Variants in CD93 observed in about 807,000 individuals in gnomAD.
CD93 encodes the protein CD93 molecule.
In CD93, 44 loss-of-function variants were observed where a neutral mutation model predicts 45.5. The ratio of observed to expected loss-of-function variants is 0.97; its 90% CI spans 0.76 to 1.24. CD93 has a LOEUF of 1.24. CD93 is among the 50% of genes most tolerant of loss of function. CD93 has a pLI of 0.00. For missense variants in CD93, 918 were observed against 844.5 expected, an observed-to-expected ratio of 1.09 and a Z score of -1.08; for synonymous variants, 431 against 370.8, an observed-to-expected ratio of 1.16 and a Z score of -1.87.
rs907492877 is a variant in CD93 at position 23,080,421 on chromosome 20, A to T, written c.*3529T>A. 1.3e-5 allele frequency: 2 copies of T among 152,442 alleles called. No individual in the cohort carries two copies. Among genetic ancestry groups the T allele is most frequent in the African/African-American group, 4.8e-5 (2 of 41,466 alleles). 9.4% of individuals were successfully genotyped at this position (152,442 alleles called of 1,614,324 possible). A position where few individuals can be genotyped will look rare whatever the true frequency, so the allele number is the denominator to read the frequency against. ...AGGATGGAAAAGACAAAGCAACTTG[A>T]AGAGAAAAAAAAATTCTTTTAAACT... On this transcript the variant is annotated 3_prime_UTR_variant, in exon 2 of 2. Coordinates refer to ENST00000246006, the MANE Select transcript of CD93 (RefSeq NM_012072.4).
Position 23,079,705 on chromosome 20 carries a change from A to C in CD93, c.*4245T>G, listed in dbSNP as rs533931666. 1 of 152,206 alleles carries C rather than the reference A, an allele frequency of 6.6e-6. No individual in the cohort carries two copies. The highest frequency in any genetic ancestry group is 1.5e-5 in the Non-Finnish European group (1 of 68,048). 9.4% of individuals were successfully genotyped at this position (152,206 alleles called of 1,614,324 possible). A position where few individuals can be genotyped will look rare whatever the true frequency, so the allele number is the denominator to read the frequency against. ...AGGGATCTAATTCAAGCTTAAGCCA[A>C]ATCTATGCAAAGAACTTCAGCTCAG... is the stretch of plus-strand genomic sequence containing the variant. On this transcript the variant is annotated 3_prime_UTR_variant, in exon 2 of 2. Transcript: ENST00000246006.
Position 23,083,768 on chromosome 20 carries a change from C to T in CD93, c.*182G>A. ...CAACACACAGCTTCCACTTCAGGAA[C>T]ATCAAACACCCGTAGAAAATACCTG... On this transcript the variant is annotated 3_prime_UTR_variant, in exon 2 of 2. Coordinates refer to ENST00000246006, the MANE Select transcript of CD93 (RefSeq NM_012072.4). 1.5e-6 allele frequency: 1 copy of T among 645,318 alleles called. No homozygotes were observed. The highest frequency in any genetic ancestry group is 1.8e-5 in the South Asian group (1 of 54,582). The allele number at this position is 645,318 out of a possible 1,614,324, so 40.0% of individuals were successfully genotyped here.
Position 23,085,208 on chromosome 20 carries a change from G to T in CD93, c.985C>A (p.Arg329Ser). 2 of 1,598,882 alleles carry T rather than the reference G, an allele frequency of 1.3e-6. No homozygotes were observed. Among genetic ancestry groups the T allele is most frequent in the Non-Finnish European group, 8.5e-7 (1 of 1,172,002 alleles). Residue 329 changes from arginine (R) to serine (S), a missense_variant, in exon 1 of 2, where the codon CGC becomes AGC. Physicochemically the swap from Arg to Ser is moderately radical, Grantham distance 110 (BLOSUM62 -1). Transcript: ENST00000246006. The part of the protein sequence containing the change: ...LGPHGKNYTC[R>S]CPQGYQLDSS... ...TCCAGCTGGTACCCTTGGGGGCAGC[G>T]GCACGTGTAGTTTTTCCCATGGGGT... is the stretch of plus-strand genomic sequence containing the variant.
In CD93 at chr20:23,086,028, C is replaced by T. The variant is rs776392827; in HGVS notation, c.165G>A (p.Gln55=). The stretch of plus-strand genomic sequence containing the variant: ...TCACAGTGGCCAGGTTGCCCCCGTT[C>T]TGGTTGCAGTGGTTCTGGGCCTCGG... ...SAAEAQNHCN[Q]NGGNLATVKS... Residue 55 remains glutamine (Q), a synonymous_variant, in exon 1 of 2, where the codon CAG becomes CAA. Transcript: ENST00000246006. The T allele has an allele frequency of 2.4e-5, 38 of 1,609,834 alleles. No homozygotes were observed. The highest frequency in any genetic ancestry group is 1.2e-4 in the Admixed American group (7 of 59,830).
rs763943573 is a variant in CD93, at chr20:23,085,355, C to T, written c.838G>A (p.Asp280Asn). 12 of 1,613,870 alleles carry T rather than the reference C, an allele frequency of 7.4e-6. No individual in the cohort carries two copies. Among genetic ancestry groups the T allele is most frequent in the South Asian group, 6.6e-5 (6 of 91,084 alleles). ...GCHQDCFEGG[D>N]GSFLCGCRPG... The stretch of plus-strand genomic sequence containing the variant: ...CGGCAGCCGCAGAGGAAGGAGCCAT[C>T]CCCCCCTTCAAAGCAGTCCTGGTGG... Residue 280 changes from aspartate to asparagine, a missense_variant, in exon 1 of 2, where the codon GAT becomes AAT. Coordinates refer to ENST00000246006, the MANE Select transcript of CD93 (RefSeq NM_012072.4).
At position 23,083,962 on chromosome 20, in the gene CD93, C is replaced by T; in HGVS notation, c.1947G>A (p.Gly649=). Residue 649 remains glycine (G), a synonymous_variant, in exon 2 of 2, where the codon GGG becomes GGA. Coordinates refer to ENST00000246006, the MANE Select transcript of CD93 (RefSeq NM_012072.4). ...AMENQYSPTP[G]TDC is the part of the protein sequence containing the mutation. ...GGCCACCTCACTTTCAGCAGTCTGT[C>T]CCAGGTGTCGGACTATGGGAAACAA... is the stretch of plus-strand genomic sequence containing the variant. 6.2e-7 allele frequency: 1 copy of T among 1,614,138 alleles called. No individual in the cohort carries two copies. Among genetic ancestry groups the T allele is most frequent in the Non-Finnish European group, 8.5e-7 (1 of 1,179,998 alleles).
In CD93 at chr20:23,084,313, C is replaced by T. The variant is rs138693220; in HGVS notation, c.1880G>A (p.Ser627Asn). 249 of 1,614,098 alleles carry T rather than the reference C, an allele frequency of 1.5e-4. No homozygotes were observed. Among genetic ancestry groups the T allele is most frequent in the Non-Finnish European group, 2.0e-4 (234 of 1,180,042 alleles). Residue 627 changes from serine to asparagine, a missense_variant, in exon 1 of 2, where the codon AGT (serine) becomes AAT (asparagine). Physicochemically the swap from Ser to Asn is conservative, Grantham distance 46. Transcript: ENST00000246006. ...AGCTCGCTCTGGAACCCAGGAGTAACTGTCTGCCGCATTCTGGGGCTTCTT... is the reference window on the plus strand; with the variant it reads ...AGCTCGCTCTGGAACCCAGGAGTAATTGTCTGCCGCATTCTGGGGCTTCTT... ...KEKKPQNAAD[S>N]YSWVPERAES...
chr20:23,081,284 C>T lies in CD93; in HGVS notation c.*2666G>A, dbSNP rs1200695318. The T allele has an allele frequency of 6.6e-6, 1 of 152,254 alleles. No homozygotes were observed. The highest frequency in any genetic ancestry group is 2.4e-5 in the African/African-American group (1 of 41,422). The allele number at this position is 152,254 out of a possible 1,614,324, so 9.4% of individuals were successfully genotyped here. A position where few individuals can be genotyped will look rare whatever the true frequency, so the allele number is the denominator to read the frequency against. On this transcript the variant is annotated 3_prime_UTR_variant, in exon 2 of 2. Coordinates refer to ENST00000246006, the MANE Select transcript of CD93 (RefSeq NM_012072.4). ...TTAGCAGGTGGCAGGGTGCACCTCT[C>T]CCCATACTGTGACCCTTGGATTCCC...
chr20:23,079,654 T>C lies in CD93; in HGVS notation c.*4296A>G, dbSNP rs1285979535. 6.6e-6 allele frequency: 1 copy of C among 152,222 alleles called. No individual in the cohort carries two copies. The highest frequency in any genetic ancestry group is 1.5e-5 in the Non-Finnish European group (1 of 68,040). 9.4% of individuals were successfully genotyped at this position (152,222 alleles called of 1,614,324 possible). ...GTGATTACTGACATTTACAATTACA[T>C]CTGACATCACAGAGCAAGCCTTTGC... On this transcript the variant is annotated 3_prime_UTR_variant, in exon 2 of 2. Transcript: ENST00000246006.
rs772728442 is a variant in CD93 at position 23,084,251 on chromosome 20, C to G, written c.1934+8G>C. 1 of 1,612,940 alleles carries G rather than the reference C, an allele frequency of 6.2e-7. No individual in the cohort carries two copies. The highest frequency in any genetic ancestry group is 1.1e-5 in the South Asian group (1 of 91,044). ...TCCCCTCCCCCGGTCACTCAGGGCC[C>G]CCTTTACCTGTACTGGTTCTCCATG... On this transcript the variant is annotated splice_region_variant and intron_variant, in intron 1 of 1. Coordinates refer to ENST00000246006, the MANE Select transcript of CD93 (RefSeq NM_012072.4).
In CD93 at chr20:23,085,200, G is replaced by C. The variant is rs1985452430; in HGVS notation, c.993C>G (p.Pro331=). The change falls in exon 1 of 2, where the codon CCC becomes CCG. Residue 331 remains proline, a synonymous_variant. Transcript: ENST00000246006. ...PHGKNYTCRC[P]QGYQLDSSQL... ...GACTCGAGTCCAGCTGGTACCCTTG[G>C]GGGCAGCGGCACGTGTAGTTTTTCC... The C allele has an allele frequency of 8.8e-6, 14 of 1,595,202 alleles. No individual in the cohort carries two copies. The highest frequency in any genetic ancestry group is 2.7e-5 in the African/African-American group (2 of 74,696).
chr20:23,086,019 GC>G lies in CD93; in HGVS notation c.173del (p.Gly58AlafsTer6). On this transcript the variant is annotated frameshift_variant, in exon 1 of 2. Transcript: ENST00000246006. LOFTEE classifies it high-confidence loss of function. ...CCTTGCTCTTCACAGTGGCCAGGTT[GC>G]CCCCGTTCTGGTTGCAGTGGTTCTG... Reference protein sequence around the residue: ...EAQNHCNQNGGNLATVKSKEE... With the variant: ...EAQNHCNQNGXNLATVKSKEE... 1 of 1,609,996 alleles carries G rather than the reference GC, an allele frequency of 6.2e-7. No individual in the cohort carries two copies. The highest frequency in any genetic ancestry group is 1.7e-5 in the Admixed American group (1 of 59,834).
rs1985393405 is a variant in CD93, at chr20:23,083,850, C to G, written c.*100G>C. 7 of 1,058,006 alleles carry G rather than the reference C, an allele frequency of 6.6e-6. No homozygotes were observed. Among genetic ancestry groups the G allele is most frequent in the Non-Finnish European group, 1.0e-5 (7 of 672,386 alleles). The allele number at this position is 1,058,006 out of a possible 1,614,324, so 65.5% of individuals were successfully genotyped here. On this transcript the variant is annotated 3_prime_UTR_variant, in exon 2 of 2. Coordinates refer to ENST00000246006, the MANE Select transcript of CD93 (RefSeq NM_012072.4). ...TACAATTGTTTGCTAAGATTCCAGT[C>G]CAGTCTTTCAAAAAAATGTGGGTGC... is the stretch of plus-strand genomic sequence containing the variant.
chr20:23,085,908 A>C lies in CD93; in HGVS notation c.285T>G (p.Ile95Met). The C allele has an allele frequency of 7.3e-7, 1 of 1,374,352 alleles. No individual in the cohort carries two copies. The highest frequency in any genetic ancestry group is 4.2e-5 in the East Asian group (1 of 23,538). The allele number at this position is 1,374,352 out of a possible 1,614,324, so 85.1% of individuals were successfully genotyped here. ...ALTARMSKFW[I>M]GLQREKGKCL... ...ACTTGCCCTTCTCTCGCTGGAGCCC[A>C]ATCCAGAACTTGCTCATCCTCGCCG... The change falls in exon 1 of 2, where the codon ATT becomes ATG. Residue 95 changes from isoleucine (I) to methionine (M), a missense_variant. Transcript: ENST00000246006.
At position 23,084,337 on chromosome 20, in the gene CD93, T is replaced by G. The variant is rs761745001; in HGVS notation, c.1856A>C (p.Lys619Thr). The change falls in exon 1 of 2, where the codon AAG (lysine) becomes ACG (threonine). Residue 619 changes from lysine to threonine, a missense_variant. Lys to Thr is a moderately conservative substitution (Grantham distance 78). Coordinates refer to ENST00000246006, the MANE Select transcript of CD93 (RefSeq NM_012072.4). Reference protein sequence around the residue: ...RRAKREEKKEKKPQNAADSYS... With the variant: ...RRAKREEKKETKPQNAADSYS... ...ACTGTCTGCCGCATTCTGGGGCTTC[T>G]TCTCCTTCTTCTCCTCCCTCTTCGC... The G allele has an allele frequency of 7.4e-6, 12 of 1,614,122 alleles. No homozygotes were observed. The African/African-American group carries it at 1.6e-4, about 22-fold the overall frequency.
rs1985396584 is a variant in CD93, at chr20:23,083,942, C to T, written c.*8G>A. The T allele has an allele frequency of 6.2e-7, 1 of 1,613,884 alleles. No individual in the cohort carries two copies. Among genetic ancestry groups the T allele is most frequent in the Admixed American group, 1.7e-5 (1 of 60,006 alleles). On this transcript the variant is annotated 3_prime_UTR_variant, in exon 2 of 2. Coordinates refer to ENST00000246006, the MANE Select transcript of CD93 (RefSeq NM_012072.4). The stretch of plus-strand genomic sequence containing the variant: ...GGTGACTCTAGTGTCTCTAGGGCCA[C>T]CTCACTTTCAGCAGTCTGTCCCAGG...
intron 1 of CD93, 48 bp downstream of exon 1, chr20:23,084,211 C>T: frequency 6.3e-7 from 1 of 1,591,652 alleles, no homozygotes; most frequent in Non-Finnish European, 8.6e-7. Context: ...TAGTCAGTGC[C>T]CCCATGCCTG....
chr20:23,085,446 G>A lies in CD93; in HGVS notation c.747C>T (p.Asp249=), dbSNP rs1308162518. 2.5e-6 allele frequency: 4 copies of A among 1,613,898 alleles called. No individual in the cohort carries two copies. The highest frequency in any genetic ancestry group is 1.7e-5 in the Admixed American group (1 of 60,034). Reference sequence around the variant, plus strand: ...CACAGAGGGGGCCCGAGCTGCCCCAGTCGAACACATCGGGGGCCTTCTCCT... The same window carrying A: ...CACAGAGGGGGCCCGAGCTGCCCCAATCGAACACATCGGGGGCCTTCTCCT... ...LCKEKAPDVF[D]WGSSGPLCVS... is the part of the protein sequence containing the mutation. Residue 249 remains aspartate (D), a synonymous_variant, in exon 1 of 2, where the codon GAC becomes GAT. Transcript: ENST00000246006.
rs957682644 is a variant in CD93 at position 23,081,537 on chromosome 20, G to A, written c.*2413C>T. On this transcript the variant is annotated 3_prime_UTR_variant, in exon 2 of 2. Coordinates refer to ENST00000246006, the MANE Select transcript of CD93 (RefSeq NM_012072.4). ...ACCTGAGCTGTCTGGTTGGGTTGCT[G>A]GCTCTCCCCCCGTGGTGGGAGTGGT... 8.5e-5 allele frequency: 13 copies of A among 152,256 alleles called. No homozygotes were observed. Among genetic ancestry groups the A allele is most frequent in the Non-Finnish European group, 1.8e-4 (12 of 68,054 alleles). 9.4% of individuals were successfully genotyped at this position (152,256 alleles called of 1,614,324 possible).
Sources: gnomAD v4.1 joint callset for allele counts on GRCh38, gnomAD v4.1.1 for gene constraint, MANE v1.5 for transcripts, NCBI Gene and HGNC (gene_info 2026-07-23, HGNC 2026-07-21) for gene names.